The following EPS15 variants were observed in gnomAD, a reference collection of about 807,000 sequenced individuals.
EPS15 encodes epidermal growth factor receptor substrate 15.
Under a neutral mutation model 113.8 loss-of-function variants are expected in EPS15, and 72 were observed. That is an observed-to-expected ratio of 0.63 (90% confidence interval 0.52 to 0.77). EPS15 has a LOEUF of 0.77. Among genes scored for constraint, EPS15 ranks in the 30% least tolerant of loss-of-function variants. The pLI is 0.00. For missense variants in EPS15, 1,048 were observed against 1,045.8 expected (o/e 1.00, Z -0.03); for synonymous variants, 344 against 363.4 (o/e 0.95, Z 0.61).
intron 1 of EPS15, among the ~76,000 whole-genome samples, chr1:51,486,804 G>A (rs1434394873): frequency 1.3e-5 from 2 of 151,520 alleles, no homozygotes; most frequent in Non-Finnish European, 2.9e-5. Flanking sequence ...TCAGCCTCCC[G>A]CCACCACACC....
At chr1:51,364,110 G>A (rs1235266041) in intron 22 of EPS15, 82 bp from the exon 23 acceptor site, 36 of 1,036,092 alleles carry the variant, frequency 3.5e-5, no homozygotes, top group Non-Finnish European at 4.6e-5. Context: ...AATGATTTCA[G>A]TATTATACAG....
intron 16 of EPS15, among the ~76,000 whole-genome samples, chr1:51,404,567 A>T (rs1186633764): frequency 6.6e-6 from 1 of 152,164 alleles, no homozygotes. Flanking sequence ...TATTCTTCTC[A>T]TTATCCCTTC....
chr1:51,458,550 A>G, intron 8 of EPS15: 1 of 445,558 alleles, frequency 2.2e-6, no homozygotes, highest in East Asian at 7.4e-5. Flanking sequence ...CAGTCTGGCA[A>G]ACACGGCGAA....
chr1:51,428,826 CAAAAAAAAAAAAA>C (rs902706524), intron 12 of EPS15, among the ~76,000 whole-genome samples: 1 of 53,846 alleles, frequency 1.9e-5, no homozygotes, highest in Non-Finnish European at 3.4e-5. Flanking sequence ...GACTCCATCT[CAAAAAAAAAAAAA>C]AAAAAAAAAA....
chr1:51,508,902 T>C (rs1310699532), intron 1 of EPS15, among the ~76,000 whole-genome samples: 1 of 152,218 alleles, frequency 6.6e-6, no homozygotes, highest in African/African-American at 2.4e-5. Flanking sequence ...ATGTTATCCT[T>C]TCAAGTACAG....
intron 21 of EPS15, chr1:51,373,042 TC>T: frequency 4.4e-6 from 1 of 225,414 alleles, no homozygotes; most frequent in South Asian, 7.2e-5. Flanking sequence ...GTACTCTGCC[TC>T]CCTGACACAT....
At chr1:51,388,254 G>A (rs895893253) in intron 21 of EPS15, among the ~76,000 whole-genome samples, 7 of 152,160 alleles carry the variant, frequency 4.6e-5, no homozygotes, top group African/African-American at 1.7e-4. Flanking sequence ...CAGAAATAAA[G>A]ATCTTCTTTG....
chr1:51,500,926 G>A (rs1486246670), intron 1 of EPS15, among the ~76,000 whole-genome samples: 3 of 151,572 alleles, frequency 2.0e-5, no homozygotes, highest in African/African-American at 7.3e-5. Flanking sequence ...GGAGGCTGAA[G>A]TGAGCCAAGA....
chr1:51,428,025 T>C lies in EPS15; in HGVS notation c.1041-6167A>G, dbSNP rs368672152. 9.2e-5 allele frequency among the ~76,000 whole-genome samples: 14 copies of C among 151,970 alleles called. No individual in the cohort carries two copies. In the East Asian group the frequency reaches 2.5e-3, roughly 27 times the overall value. On this transcript the variant is annotated intron_variant, in intron 12 of 24. Transcript: ENST00000371733. The stretch of plus-strand genomic sequence containing the variant: ...TTTGTGACATATAATCAATCCTTAA[T>C]AAGATTATCAATGGATTTCTCAGCA...
At chr1:51,358,869 A>G (rs927108743) in intron 24 of EPS15, among the ~76,000 whole-genome samples, 8 of 151,544 alleles carry the variant, frequency 5.3e-5, no homozygotes, top group South Asian at 2.1e-4. Context: ...ATGCCTGGCT[A>G]ATTTTTGTAT....
chr1:51,455,909 G>T (rs1486950736), intron 8 of EPS15, among the ~76,000 whole-genome samples: 1 of 151,566 alleles, frequency 6.6e-6, no homozygotes, highest in Non-Finnish European at 1.5e-5. Context: ...GAATACCCAT[G>T]GTCATGCCAA....
At chr1:51,385,501 T>C (rs1647042560) in intron 21 of EPS15, among the ~76,000 whole-genome samples, 1 of 152,168 alleles carries the variant, frequency 6.6e-6, no homozygotes, top group Non-Finnish European at 1.5e-5. Context: ...AGTATGATCA[T>C]TTCTCAAAAA....
chr1:51,451,609 G>A (rs550997047), intron 8 of EPS15, among the ~76,000 whole-genome samples: 49 of 151,402 alleles, frequency 3.2e-4, no homozygotes, highest in Admixed American at 7.2e-4. Context: ...TGAGAGCAGG[G>A]GTGGAAATGA....
intron 2 of EPS15, among the ~76,000 whole-genome samples, chr1:51,473,525 C>A (rs10493155): frequency 2.0e-5 from 3 of 151,892 alleles, no homozygotes; most frequent in Non-Finnish European, 4.4e-5. Flanking sequence ...AGGGAACATA[C>A]CATTTTAACT....
chr1:51,408,423 T>C, intron 14 of EPS15, 91 bp from the exon 15 acceptor site: 1 of 947,718 alleles, frequency 1.1e-6, no homozygotes, highest in Non-Finnish European at 1.6e-6. Context: ...ATTTGTTTAG[T>C]TTACTATTTT....
chr1:51,389,258 A>G (rs1647190320), intron 21 of EPS15, among the ~76,000 whole-genome samples: 1 of 152,088 alleles, frequency 6.6e-6, no homozygotes, highest in African/African-American at 2.4e-5. Context: ...GCCTTTGACA[A>G]AATTCAACAA....
chr1:51,464,867 A>G (rs1450116781), intron 6 of EPS15, among the ~76,000 whole-genome samples: 39 of 152,222 alleles, frequency 2.6e-4, no homozygotes, highest in Admixed American at 2.6e-3. Flanking sequence ...TGTGGCTCTG[A>G]AAAACTATAA....
rs1264578059 is a variant in EPS15 at position 51,405,912 on chromosome 1, T to A, written c.1670A>T (p.Glu557Val). The A allele has an allele frequency of 6.2e-7, 1 of 1,613,806 alleles. No individual in the cohort carries two copies. Among genetic ancestry groups the A allele is most frequent in the Non-Finnish European group, 8.5e-7 (1 of 1,179,850 alleles). ...TGAAAGTATTAGACTCACTGGAGAT[T>A]CCTGGTGTATGGGCTCAGACTCTAG... ...SNLESEPIHQESPARSSPELL... is the reference protein window; with the variant it reads ...SNLESEPIHQVSPARSSPELL... The change falls in exon 16 of 25, where the codon GAA (glutamate) becomes GTA (valine). Residue 557 changes from glutamate (E) to valine (V), a missense_variant. Glu to Val is a moderately radical substitution (Grantham distance 121). Transcript: ENST00000371733.
intron 13 of EPS15, among the ~76,000 whole-genome samples, chr1:51,416,694 T>C (rs1289957529): frequency 1.3e-5 from 2 of 152,070 alleles, no homozygotes; most frequent in Non-Finnish European, 2.9e-5. Flanking sequence ...AAAACTTTCA[T>C]TTTAGCAACT....
Sources: gnomAD v4.1 joint callset for allele counts (sites outside exome capture counted in the v4.1 genomes callset) on GRCh38, gnomAD v4.1.1 for gene constraint, MANE v1.5 for transcripts, NCBI Gene and HGNC (gene_info 2026-07-23, HGNC 2026-07-21) for gene names.